Variants in GALNT14 observed in about 807,000 individuals in gnomAD.
GALNT14 encodes the protein polypeptide N-acetylgalactosaminyltransferase 14, also known as UDP-GalNAc:polypeptide N-acetylgalactosaminyltransferase 14.
Under a neutral mutation model 77.5 loss-of-function variants are expected in GALNT14, and 60 were observed. That is an observed-to-expected ratio of 0.77 (90% confidence interval 0.63 to 0.96). GALNT14 has a LOEUF of 0.96. Among genes scored for constraint, GALNT14 ranks in the 40% least tolerant of loss-of-function variants. The probability of loss-of-function intolerance (pLI) is 0.00; values close to 1 mark genes in which losing one functional copy is unlikely to be tolerated. For missense variants in GALNT14, 710 were observed against 731.0 expected (o/e 0.97, Z 0.33); for synonymous variants, 280 against 281.7 (o/e 0.99, Z 0.06).
chr2:30,904,369 G>A, the GALNT14 span, among the ~76,000 whole-genome samples: 8,866 of 152,334 alleles, frequency 0.058, 362 homozygotes, highest in Middle Eastern at 0.092. Context: ...TGTGCGAGCC[G>A]AAGCAGGGCG....
At position 30,963,273 on chromosome 2, in the gene GALNT14, G is replaced by T. The variant is rs115496312; in HGVS notation, c.398+2931C>A. ...CAACAGGCAGGCAGACAGAGGAGCCGCGCTGTACCTCCAGGAAACCCAGGA... is the reference window on the plus strand; with the variant it reads ...CAACAGGCAGGCAGACAGAGGAGCCTCGCTGTACCTCCAGGAAACCCAGGA... On this transcript the variant is annotated intron_variant, in intron 3 of 14. Coordinates refer to ENST00000349752, the MANE Select transcript of GALNT14 (RefSeq NM_024572.4). Among the ~76,000 whole-genome samples, 5 of 152,266 alleles carry T rather than the reference G, an allele frequency of 3.3e-5. No homozygotes were observed. In the South Asian group the frequency reaches 1.0e-3, roughly 32 times the overall value.
Position 31,138,391 on chromosome 2 carries a change from GC to G in GALNT14, c.-306del. On this transcript the variant is annotated 5_prime_UTR_variant, in exon 1 of 15. Transcript: ENST00000349752. ...AGATGTTCCCCACGCCGCCACCGCG[GC>G]TGCCGCCGCCGCCGCCGCCGCCTTG... is the stretch of plus-strand genomic sequence containing the variant. 2.6e-6 allele frequency: 1 copy of G among 380,032 alleles called. No homozygotes were observed. The highest frequency in any genetic ancestry group is 5.8e-5 in the East Asian group (1 of 17,378). The allele number at this position is 380,032 out of a possible 1,614,324, so 23.5% of individuals were successfully genotyped here. A position where few individuals can be genotyped will look rare whatever the true frequency, so the allele number is the denominator to read the frequency against.
chr2:30,965,524 C>T (rs62139558), intron 3 of GALNT14, among the ~76,000 whole-genome samples: 26,958 of 151,732 alleles, frequency 0.18, 2,556 homozygotes, highest in East Asian at 0.37. Context: ...CCTGGGTAAG[C>T]CTTCTGGGTG....
chr2:30,901,474 CACAA>C, the GALNT14 span, among the ~76,000 whole-genome samples: 15 of 150,946 alleles, frequency 9.9e-5, no homozygotes, highest in Admixed American at 4.0e-4. Context: ...AACATGTGTA[CACAA>C]ACACACAACA....
chr2:31,002,303 G>C (rs888770324), intron 1 of GALNT14, among the ~76,000 whole-genome samples: 8 of 152,000 alleles, frequency 5.3e-5, no homozygotes, highest in African/African-American at 1.9e-4. Flanking sequence ...GGTGATGTGC[G>C]CCCGTGGTCC....
chr2:30,926,631 A>T (rs1000305464), intron 11 of GALNT14, among the ~76,000 whole-genome samples: 2 of 152,062 alleles, frequency 1.3e-5, no homozygotes, highest in African/African-American at 4.8e-5. Flanking sequence ...CCATCATGCA[A>T]GGAGTAGGAA....
rs545497351 is a variant in GALNT14, at chr2:30,992,715, A to G, written c.299+123T>C. 78 of 1,111,008 alleles carry G rather than the reference A, an allele frequency of 7.0e-5. No individual in the cohort carries two copies. The African/African-American group carries it at 1.1e-3, about 16-fold the overall frequency. 68.8% of individuals were successfully genotyped at this position (1,111,008 alleles called of 1,614,324 possible). A position where few individuals can be genotyped will look rare whatever the true frequency, so the allele number is the denominator to read the frequency against. On this transcript the variant is annotated intron_variant, in intron 2 of 14. Coordinates refer to ENST00000349752, the MANE Select transcript of GALNT14 (RefSeq NM_024572.4). ...CAAATCCGAATCCCTTTAGTGTTCAACTGGCAGCAGATGGTCCAGCCCGGT... is the reference window on the plus strand; with the variant it reads ...CAAATCCGAATCCCTTTAGTGTTCAGCTGGCAGCAGATGGTCCAGCCCGGT...
intron 13 of GALNT14, among the ~76,000 whole-genome samples, chr2:30,922,690 C>T (rs192920611): frequency 6.5e-4 from 99 of 152,352 alleles, no homozygotes; most frequent in Non-Finnish European, 1.3e-3. Flanking sequence ...CCATCTCTTG[C>T]AACTTCTATG....
At chr2:31,020,768 A>C (rs1424984294) in intron 1 of GALNT14, among the ~76,000 whole-genome samples, 2 of 152,076 alleles carry the variant, frequency 1.3e-5, no homozygotes. Flanking sequence ...GGACAAGTGC[A>C]TTTCCACCTG....
chr2:30,946,004 C>G, intron 6 of GALNT14, 134 bp from the exon 7 acceptor site: 1 of 669,174 alleles, frequency 1.5e-6, no homozygotes, highest in South Asian at 1.8e-5. Context: ...ATCTCTGGAT[C>G]TTAATTTTTC....
intron 1 of GALNT14, among the ~76,000 whole-genome samples, chr2:31,028,632 G>A (rs1406209843): frequency 1.3e-5 from 2 of 152,224 alleles, no homozygotes; most frequent in Non-Finnish European, 2.9e-5. Flanking sequence ...GCAGCAGGAG[G>A]CGGGGTAGCG....
At position 31,008,052 on chromosome 2, in the gene GALNT14, A is replaced by G. The variant is rs1032493626; in HGVS notation, c.130-15045T>C. 8.5e-5 allele frequency among the ~76,000 whole-genome samples: 13 copies of G among 152,220 alleles called. No homozygotes were observed. In the South Asian group the frequency reaches 2.7e-3, roughly 32 times the overall value. On this transcript the variant is annotated intron_variant, in intron 1 of 14. Transcript: ENST00000349752. ...CTTCTTCCCAAGAAGAGGAAGTCAA[A>G]ACCAATGGGATGAACCCCAACCCTC...
chr2:31,038,085 T>TATATATATATATATATA (rs1491282655), intron 1 of GALNT14, among the ~76,000 whole-genome samples: 46 of 38,770 alleles, frequency 1.2e-3, no homozygotes, highest in East Asian at 2.9e-3. Context: ...TATATATATA[T>TATATATATATATATATA]TTTTTTTTTT....
chr2:31,073,617 C>T (rs1675567725), intron 1 of GALNT14, among the ~76,000 whole-genome samples: 2 of 151,760 alleles, frequency 1.3e-5, no homozygotes, highest in South Asian at 2.1e-4. Context: ...CAGCTAGGGG[C>T]CGGCGGGACT....
chr2:31,038,989 ACCCACCTCAG>A (rs1672934950), intron 1 of GALNT14, among the ~76,000 whole-genome samples: 1 of 151,720 alleles, frequency 6.6e-6, no homozygotes, highest in Non-Finnish European at 1.5e-5. Flanking sequence ...CAAGCAATCC[ACCCACCTCAG>A]CCTTCCAGTG....
intron 1 of GALNT14, among the ~76,000 whole-genome samples, chr2:31,029,610 C>T (rs1232723554): frequency 1.3e-5 from 2 of 152,152 alleles, no homozygotes; most frequent in Admixed American, 6.5e-5. Flanking sequence ...AGCTGTCCTC[C>T]GCCCCTCTCT....
At chr2:31,107,846 G>A (rs1010010951) in intron 1 of GALNT14, among the ~76,000 whole-genome samples, 1 of 152,074 alleles carries the variant, frequency 6.6e-6, no homozygotes, top group Admixed American at 6.6e-5. Context: ...TTTCACCTCG[G>A]TCCTGTTTCT....
intron 9 of GALNT14, among the ~76,000 whole-genome samples, chr2:30,935,528 T>A (rs753819416): frequency 1.3e-4 from 20 of 152,222 alleles, no homozygotes; most frequent in Non-Finnish European, 2.6e-4. Context: ...TTCAGATTGT[T>A]ATGCCTGGAA....
At chr2:30,957,864 C>G (rs1357569082) in intron 4 of GALNT14, among the ~76,000 whole-genome samples, 2 of 152,200 alleles carry the variant, frequency 1.3e-5, no homozygotes, top group Non-Finnish European at 2.9e-5. Context: ...GGTGTCGGCA[C>G]TACCAGTACA....
Sources: gnomAD v4.1 joint callset for allele counts (sites outside exome capture counted in the v4.1 genomes callset) on GRCh38, gnomAD v4.1.1 for gene constraint, MANE v1.5 for transcripts, NCBI Gene and HGNC (gene_info 2026-07-23, HGNC 2026-07-21) for gene names.